The following MPDZ variants were observed in gnomAD, a reference collection of about 807,000 sequenced individuals.
MPDZ encodes multiple PDZ domain protein.
In MPDZ, 234 loss-of-function variants were observed where a neutral mutation model predicts 239.1. That is an observed-to-expected ratio of 0.98 (90% CI 0.88 to 1.09). The LOEUF (loss-of-function observed/expected upper bound fraction) is 1.09. Among genes scored for constraint, MPDZ ranks in the 50% least tolerant of loss-of-function variants. MPDZ has a pLI of 0.00. For synonymous variants in MPDZ, 1,048 were observed against 881.3 expected, an observed-to-expected ratio of 1.19 and a Z score of -3.35; for missense variants, 3,175 against 2,510.0, an observed-to-expected ratio of 1.26 and a Z score of -5.66.
At chr9:13,166,337 G>A (rs1951072814) in intron 22 of MPDZ, among the ~76,000 whole-genome samples, 1 of 152,124 alleles carries the variant, frequency 6.6e-6, no homozygotes, top group East Asian at 1.9e-4. Context: ...AAAATGCACA[G>A]AACATGCTGC....
At chr9:13,176,632 G>C (rs1303260910) in intron 19 of MPDZ, among the ~76,000 whole-genome samples, 1 of 152,066 alleles carries the variant, frequency 6.6e-6, no homozygotes, top group Admixed American at 6.5e-5. Context: ...TTTCCTGAAA[G>C]TCATACATCT....
chr9:13,199,283 G>A (rs2135413416), intron 12 of MPDZ, among the ~76,000 whole-genome samples: 1 of 152,014 alleles, frequency 6.6e-6, no homozygotes, highest in South Asian at 2.1e-4. Context: ...TTGTAAATGG[G>A]ATCACTTTCT....
intron 25 of MPDZ, 133 bp from the exon 26 acceptor site, chr9:13,147,791 A>C (rs1238530966): frequency 7.8e-6 from 5 of 640,770 alleles, no homozygotes; most frequent in Non-Finnish European, 2.7e-6. Context: ...AATTGAGACT[A>C]CATGTGAAGC....
At chr9:13,148,996 AT>A (rs1371262394) in intron 25 of MPDZ, among the ~76,000 whole-genome samples, 1 of 151,948 alleles carries the variant, frequency 6.6e-6, no homozygotes, top group African/African-American at 2.4e-5. Context: ...AAAAAAAAAA[AT>A]CTCTTTTGCT....
chr9:13,139,529 A>G, intron 28 of MPDZ, among the ~76,000 whole-genome samples: 1 of 152,214 alleles, frequency 6.6e-6, no homozygotes, highest in Non-Finnish European at 1.5e-5. Context: ...AGACAGTTAA[A>G]CAGCTTAGTC....
chr9:13,158,317 T>A (rs1950068230), intron 23 of MPDZ, among the ~76,000 whole-genome samples: 1 of 152,122 alleles, frequency 6.6e-6, no homozygotes, highest in Admixed American at 6.6e-5. Context: ...CAACGTACCA[T>A]AGCGTAGAGC....
chr9:13,159,325 T>G (rs1237980712), intron 23 of MPDZ, among the ~76,000 whole-genome samples: 1 of 152,132 alleles, frequency 6.6e-6, no homozygotes, highest in Non-Finnish European at 1.5e-5. Context: ...TGTTTGAATT[T>G]CCCTCCTGTG....
At chr9:13,270,577 T>TAA (rs2139239648) in intron 1 of MPDZ, among the ~76,000 whole-genome samples, 1 of 152,016 alleles carries the variant, frequency 6.6e-6, no homozygotes, top group African/African-American at 2.4e-5. Flanking sequence ...TTTAAGAAAG[T>TAA]AAAATATCTC....
intron 1 of MPDZ, among the ~76,000 whole-genome samples, chr9:13,265,428 G>C (rs1006599914): frequency 2.7e-4 from 41 of 152,186 alleles, no homozygotes; most frequent in Non-Finnish European, 1.5e-4. Flanking sequence ...AATTAGCCAG[G>C]TGTGGTGGCG....
In MPDZ at chr9:13,133,804, C is replaced by G. The variant is rs781323106; in HGVS notation, c.4464+20G>C. 6.5e-7 allele frequency: 1 copy of G among 1,540,692 alleles called. No individual in the cohort carries two copies. Among genetic ancestry groups the G allele is most frequent in the African/African-American group, 1.4e-5 (1 of 73,002 alleles). ...GTAAAGGAACTCACATCATTTCATT[C>G]CAATTCAAAGCAGATTTACCTTGGG... is the stretch of plus-strand genomic sequence containing the variant. On this transcript the variant is annotated intron_variant, in intron 32 of 46. Coordinates refer to ENST00000319217, the MANE Select transcript of MPDZ (RefSeq NM_001378778.1).
Position 13,214,786 on chromosome 9 carries a change from A to T in MPDZ, c.1290+1988T>A, listed in dbSNP as rs372256117. Among the ~76,000 whole-genome samples the T allele has an allele frequency of 2.6e-5, 4 of 152,138 alleles. No individual in the cohort carries two copies. In the East Asian group the frequency reaches 5.8e-4, roughly 22 times the overall value. ...ATTTACATTGTATGGTAAAATGGAGATACACAGAGAAAGCTCACTTCGGGC... is the reference window on the plus strand; with the variant it reads ...ATTTACATTGTATGGTAAAATGGAGTTACACAGAGAAAGCTCACTTCGGGC... On this transcript the variant is annotated intron_variant, in intron 10 of 46. Coordinates refer to ENST00000319217, the MANE Select transcript of MPDZ (RefSeq NM_001378778.1).
chr9:13,153,613 T>C (rs1274555624), intron 24 of MPDZ, among the ~76,000 whole-genome samples: 3 of 152,056 alleles, frequency 2.0e-5, no homozygotes, highest in Non-Finnish European at 2.9e-5. Flanking sequence ...GCTGAGATTA[T>C]AGGCATGAGC....
At chr9:13,146,704 A>C (rs979494891) in intron 26 of MPDZ, among the ~76,000 whole-genome samples, 1 of 152,024 alleles carries the variant, frequency 6.6e-6, no homozygotes, top group East Asian at 1.9e-4. Flanking sequence ...AAGAACTTTC[A>C]AAGGGGTATG....
At chr9:13,186,043 C>T (rs1030175296) in intron 18 of MPDZ, among the ~76,000 whole-genome samples, 8 of 152,148 alleles carry the variant, frequency 5.3e-5, no homozygotes, top group Non-Finnish European at 1.2e-4. Flanking sequence ...ATTCTACATA[C>T]TGCTACAATG....
At chr9:13,221,226 A>C in intron 7 of MPDZ, 146 bp downstream of exon 7, 1 of 780,228 alleles carries the variant, frequency 1.3e-6, no homozygotes, top group Admixed American at 3.4e-5. Context: ...ACAACATTTT[A>C]GGGACACTCA....
chr9:13,278,287 T>G (rs1383418899), intron 1 of MPDZ, among the ~76,000 whole-genome samples: 2 of 152,116 alleles, frequency 1.3e-5, no homozygotes, highest in Admixed American at 6.5e-5. Flanking sequence ...CAGCCCCTAC[T>G]GCAAAAAGGC....
At chr9:13,224,314 T>C in intron 4 of MPDZ, 60 bp downstream of exon 4, 1 of 1,396,344 alleles carries the variant, frequency 7.2e-7, no homozygotes, top group Non-Finnish European at 9.9e-7. Flanking sequence ...ATCCATAACT[T>C]GATCACATTC....
At chr9:13,188,701 T>C (rs938262124) in intron 17 of MPDZ, 83 bp downstream of exon 17, 3 of 1,187,550 alleles carry the variant, frequency 2.5e-6, no homozygotes, top group East Asian at 2.4e-5. Context: ...GATTCAATCA[T>C]GAGAACACCT....
intron 1 of MPDZ, among the ~76,000 whole-genome samples, chr9:13,256,444 T>C (rs1969458341): frequency 6.6e-6 from 1 of 152,228 alleles, no homozygotes; most frequent in Non-Finnish European, 1.5e-5. Context: ...TCAACATGCC[T>C]TCTTCACTAA....
Sources: allele counts gnomAD v4.1 joint callset (sites outside exome capture counted in the v4.1 genomes callset), GRCh38; gene constraint gnomAD v4.1.1; transcripts MANE v1.5; gene names NCBI Gene and HGNC (gene_info 2026-07-23, HGNC 2026-07-21).